NHSL1: variants seen among roughly 807,000 people sequenced by gnomAD.
NHSL1 encodes NHS-like protein 1.
NHSL1 carries 48 observed loss-of-function variants against 95.0 expected under a neutral mutation model. The observed-to-expected ratio is 0.51, with a 90% confidence interval of 0.40 to 0.64. The LOEUF (loss-of-function observed/expected upper bound fraction) is 0.64. Ranked by LOEUF, NHSL1 falls within the 30% of genes least tolerant of loss-of-function variation. NHSL1 has a pLI of 0.00. For synonymous variants in NHSL1, 783 were observed against 833.9 expected, an observed-to-expected ratio of 0.94 and a Z score of 1.05; for missense variants, 1,971 against 2,077.7, an observed-to-expected ratio of 0.95 and a Z score of 1.00.
intron 1 of NHSL1, among the ~76,000 whole-genome samples, chr6:138,601,568 C>T (rs573606834): frequency 1.3e-5 from 2 of 152,310 alleles, no homozygotes; most frequent in South Asian, 4.2e-4. Context: ...AATCCCAGCA[C>T]TCTCGGAGGC....
chr6:138,534,858 C>T (rs1782274295), intron 1 of NHSL1, among the ~76,000 whole-genome samples: 1 of 152,158 alleles, frequency 6.6e-6, no homozygotes, highest in South Asian at 2.1e-4. Context: ...AACAAGAACA[C>T]GACTCAGCTG....
chr6:138,575,760 CT>C (rs373825294), upstream of NHSL1, among the ~76,000 whole-genome samples: 999 of 152,178 alleles, frequency 6.6e-3, 3 homozygotes, highest in South Asian at 0.011. Flanking sequence ...AAGTGGGCTT[CT>C]TAAGAAGCTA....
chr6:138,437,349 TATATATACAC>T (rs1776201242), intron 5 of NHSL1, among the ~76,000 whole-genome samples: 12 of 82,740 alleles, frequency 1.5e-4, no homozygotes, highest in African/African-American at 6.3e-4. Flanking sequence ...TATACACATA[TATATATACAC>T]ATATATATAT....
chr6:138,544,850 A>G (rs574985593), intron 1 of NHSL1, among the ~76,000 whole-genome samples: 36 of 152,312 alleles, frequency 2.4e-4, no homozygotes, highest in African/African-American at 8.2e-4. Flanking sequence ...GAAAAAATAA[A>G]TGCCTAAAGA....
intron 1 of NHSL1, among the ~76,000 whole-genome samples, chr6:138,582,921 C>T (rs1784083121): frequency 6.6e-6 from 1 of 152,220 alleles, no homozygotes; most frequent in Non-Finnish European, 1.5e-5. Context: ...TGCTGCCTCC[C>T]AAACTCCTGC....
chr6:138,510,291 A>G (rs1781159352), intron 1 of NHSL1, among the ~76,000 whole-genome samples: 1 of 152,212 alleles, frequency 6.6e-6, no homozygotes, highest in South Asian at 2.1e-4. Flanking sequence ...GCTTTTGTTA[A>G]GAGGACAGCT....
intron 2 of NHSL1, among the ~76,000 whole-genome samples, chr6:138,487,705 T>C (rs542391123): frequency 8.6e-4 from 131 of 152,338 alleles, no homozygotes; most frequent in African/African-American, 3.1e-3. Flanking sequence ...AGATGGGACC[T>C]GACTTCCAAT....
chr6:138,449,429 C>G (rs1457931087), intron 3 of NHSL1, among the ~76,000 whole-genome samples: 1 of 152,182 alleles, frequency 6.6e-6, no homozygotes, highest in Non-Finnish European at 1.5e-5. Flanking sequence ...GTAATCCCAG[C>G]ATTTTGGGAG....
At chr6:138,503,033 ATACCC>A (rs1780770739), upstream of NHSL1, among the ~76,000 whole-genome samples, 1 of 152,188 alleles carries the variant, frequency 6.6e-6, no homozygotes, top group Non-Finnish European at 1.5e-5. Context: ...TAATTGCTCT[ATACCC>A]CCTGCTTCCA....
chr6:138,497,837 A>G (rs1165929490), intron 1 of NHSL1, among the ~76,000 whole-genome samples: 2 of 152,162 alleles, frequency 1.3e-5, no homozygotes, highest in Non-Finnish European at 2.9e-5. Context: ...GAACAGGATA[A>G]CTCATTTTCA....
chr6:138,477,596 A>G (rs1779155689), intron 2 of NHSL1, among the ~76,000 whole-genome samples: 1 of 152,194 alleles, frequency 6.6e-6, no homozygotes, highest in Admixed American at 6.5e-5. Flanking sequence ...GAGCAAGACC[A>G]TGCCTCTAAA....
intron 1 of NHSL1, among the ~76,000 whole-genome samples, chr6:138,597,970 G>A (rs1784322710): frequency 6.6e-6 from 1 of 152,040 alleles, no homozygotes; most frequent in South Asian, 2.1e-4. Flanking sequence ...ATTTCCAGCA[G>A]AGAAGGCGGT....
At chr6:138,595,058 T>TC (rs1355665586) in intron 1 of NHSL1, among the ~76,000 whole-genome samples, 119 of 152,270 alleles carry the variant, frequency 7.8e-4, no homozygotes, top group African/African-American at 2.6e-3. Flanking sequence ...AACCAGAGAT[T>TC]CCCACTATGC....
intron 1 of NHSL1, among the ~76,000 whole-genome samples, chr6:138,676,190 C>G (rs764525057): frequency 6.6e-6 from 1 of 152,018 alleles, no homozygotes; most frequent in Non-Finnish European, 1.5e-5. Context: ...TAAATTTAAT[C>G]CAATATTCTG....
intron 3 of NHSL1, among the ~76,000 whole-genome samples, chr6:138,458,386 C>T (rs1777760848): frequency 6.6e-6 from 1 of 152,176 alleles, no homozygotes; most frequent in East Asian, 1.9e-4. Context: ...CTCTCTCCTC[C>T]TCTCATCCCC....
chr6:138,615,151 G>A (rs1006572126), intron 1 of NHSL1, among the ~76,000 whole-genome samples: 1 of 152,182 alleles, frequency 6.6e-6, no homozygotes, highest in Non-Finnish European at 1.5e-5. Context: ...CTGCAGCAGG[G>A]CGTGAGCCAG....
chr6:138,537,818 C>T (rs571760394), intron 1 of NHSL1, among the ~76,000 whole-genome samples: 5 of 152,190 alleles, frequency 3.3e-5, no homozygotes, highest in African/African-American at 9.6e-5. Flanking sequence ...GAGAAAGAAC[C>T]GCCAAAAGCT....
chr6:138,508,868 T>A (rs1370364166), intron 1 of NHSL1, among the ~76,000 whole-genome samples: 2 of 152,218 alleles, frequency 1.3e-5, no homozygotes, highest in East Asian at 1.9e-4. Flanking sequence ...ATAATTTCAT[T>A]AACTGTAACC....
At chr6:138,532,051 A>G (rs192786038) in intron 1 of NHSL1, among the ~76,000 whole-genome samples, 15 of 152,336 alleles carry the variant, frequency 9.8e-5, no homozygotes. Context: ...GCATTGGAAT[A>G]TTATAGAGAA....
Sources: allele counts gnomAD v4.1 joint callset (sites outside exome capture counted in the v4.1 genomes callset), GRCh38; gene constraint gnomAD v4.1.1; transcripts MANE v1.5; gene names NCBI Gene and HGNC (gene_info 2026-07-23, HGNC 2026-07-21).